The following LRRC7 variants were observed in gnomAD, a reference collection of about 807,000 sequenced individuals.
The protein encoded by LRRC7 is leucine rich repeat containing 7.
Under a neutral mutation model 175.7 loss-of-function variants are expected in LRRC7, and 23 were observed. The ratio of observed to expected loss-of-function variants is 0.13; its 90% CI spans 0.09 to 0.19. The LOEUF (loss-of-function observed/expected upper bound fraction) is 0.19. LRRC7 is among the 10% of genes least tolerant of loss of function. The pLI, the probability that LRRC7 is intolerant of heterozygous loss-of-function variation, is 1.00. For synonymous variants in LRRC7, 685 were observed against 680.9 expected, an observed-to-expected ratio of 1.01 and a Z score of -0.09; for missense variants, 1,354 against 1,904.7, an observed-to-expected ratio of 0.71 and a Z score of 5.38.
At chr1:69,903,299 T>A (rs1361572368) in intron 7 of LRRC7, among the ~76,000 whole-genome samples, 1 of 152,036 alleles carries the variant, frequency 6.6e-6, no homozygotes, top group Non-Finnish European at 1.5e-5. Flanking sequence ...CTGGGACTGG[T>A]TAGACAGTGG....
chr1:69,979,513 A>G (rs1653193583), intron 8 of LRRC7, among the ~76,000 whole-genome samples: 1 of 152,156 alleles, frequency 6.6e-6, no homozygotes, highest in Non-Finnish European at 1.5e-5. Context: ...TTTAAAACAT[A>G]TTCTAAAGTA....
chr1:69,733,033 A>G (rs1034781432), intron 2 of LRRC7, among the ~76,000 whole-genome samples: 1 of 152,044 alleles, frequency 6.6e-6, no homozygotes, highest in African/African-American at 2.4e-5. Flanking sequence ...AGAAAAGACA[A>G]TTTAAGAAAA....
intron 7 of LRRC7, among the ~76,000 whole-genome samples, chr1:69,915,729 T>G (rs1477027909): frequency 6.6e-6 from 1 of 152,050 alleles, no homozygotes; most frequent in African/African-American, 2.4e-5. Flanking sequence ...AAACACTTTC[T>G]TAGACGATCT....
At chr1:69,793,264 A>G (rs1489763314) in intron 4 of LRRC7, among the ~76,000 whole-genome samples, 2 of 152,140 alleles carry the variant, frequency 1.3e-5, no homozygotes, top group Non-Finnish European at 2.9e-5. Flanking sequence ...ATGCAATCCA[A>G]TCTTTGTAGT....
intron 23 of LRRC7, among the ~76,000 whole-genome samples, chr1:70,060,992 A>G (rs543811200): frequency 6.6e-6 from 1 of 152,298 alleles, no homozygotes; most frequent in Non-Finnish European, 1.5e-5. Flanking sequence ...AATGAGAACA[A>G]TCTTCTCCAT....
At chr1:69,694,834 A>G (rs568327984) in intron 2 of LRRC7, among the ~76,000 whole-genome samples, 124 of 152,062 alleles carry the variant, frequency 8.2e-4, no homozygotes, top group Non-Finnish European at 1.5e-3. Flanking sequence ...GGCCCTCACT[A>G]GAAGCAGATG....
chr1:70,072,133 A>G (rs563316574), intron 23 of LRRC7, among the ~76,000 whole-genome samples: 1 of 151,780 alleles, frequency 6.6e-6, no homozygotes, highest in Non-Finnish European at 1.5e-5. Flanking sequence ...CTCCATCACT[A>G]TTCTCCTCAA....
chr1:69,896,982 T>C (rs1051769993), intron 7 of LRRC7, among the ~76,000 whole-genome samples: 9 of 152,292 alleles, frequency 5.9e-5, no homozygotes, highest in African/African-American at 2.2e-4. Context: ...TTTTGTGATA[T>C]TGAGAGATTT....
chr1:69,829,212 G>A (rs1215659054), intron 5 of LRRC7, among the ~76,000 whole-genome samples: 1 of 151,824 alleles, frequency 6.6e-6, no homozygotes, highest in East Asian at 1.9e-4. Context: ...TTAAGTAATT[G>A]CAAAGGTCAC....
chr1:69,972,030 C>A (rs1006789010), intron 8 of LRRC7, among the ~76,000 whole-genome samples: 1 of 152,212 alleles, frequency 6.6e-6, no homozygotes, highest in East Asian at 1.9e-4. Flanking sequence ...AGAAAGGACA[C>A]CTTATTCAAC....
In LRRC7 at chr1:69,760,411, A is replaced by G. The variant is rs774658641; in HGVS notation, c.303+18A>G. On this transcript the variant is annotated intron_variant, in intron 3 of 26. Transcript: ENST00000651989. Reference sequence around the variant, plus strand: ...TACCCAAGGTAACTTTTGACAACCTAAAATATACAATGTAAATGAGTATTT... The same window carrying G: ...TACCCAAGGTAACTTTTGACAACCTGAAATATACAATGTAAATGAGTATTT... 85 of 1,583,694 alleles carry G rather than the reference A, an allele frequency of 5.4e-5. No homozygotes were observed. Among genetic ancestry groups the G allele is most frequent in the Non-Finnish European group, 7.1e-5 (82 of 1,153,290 alleles).
At chr1:69,795,082 A>G (rs1262961454) in intron 4 of LRRC7, among the ~76,000 whole-genome samples, 3 of 152,202 alleles carry the variant, frequency 2.0e-5, no homozygotes, top group African/African-American at 7.2e-5. Context: ...AGAAAGCCAT[A>G]CCTAAGAAAG....
chr1:69,593,243 A>C (rs1646708653), intron 1 of LRRC7, among the ~76,000 whole-genome samples: 1 of 152,138 alleles, frequency 6.6e-6, no homozygotes, highest in South Asian at 2.1e-4. Context: ...GAATTTAAGA[A>C]ATTAAAAAGT....
chr1:70,060,103 AG>A (rs1661460669), intron 23 of LRRC7, among the ~76,000 whole-genome samples: 1 of 152,110 alleles, frequency 6.6e-6, no homozygotes, highest in African/African-American at 2.4e-5. Flanking sequence ...GGATCACTTG[AG>A]GCCAGGAGTT....
chr1:69,945,117 C>G (rs1029083917), intron 8 of LRRC7, among the ~76,000 whole-genome samples: 1 of 152,016 alleles, frequency 6.6e-6, no homozygotes, highest in Admixed American at 6.6e-5. Context: ...GTATTTTCTT[C>G]TAGAAGTTTT....
intron 1 of LRRC7, among the ~76,000 whole-genome samples, chr1:69,650,773 T>C (rs932364250): frequency 6.6e-6 from 1 of 151,104 alleles, no homozygotes. Context: ...TCATTTCTTT[T>C]AAAATATACT....
In LRRC7 at chr1:70,043,944, C is replaced by G; in HGVS notation, c.3970-10C>G. 1 of 1,595,716 alleles carries G rather than the reference C, an allele frequency of 6.3e-7. No individual in the cohort carries two copies. The highest frequency in any genetic ancestry group is 8.6e-7 in the Non-Finnish European group (1 of 1,166,128). ...TCACACCCTGTCACATGATTATTTC[C>G]TCTACTCAGAATGCTGCTTACAAAC... On this transcript the variant is annotated splice_polypyrimidine_tract_variant and intron_variant, in intron 21 of 26. Coordinates refer to ENST00000651989, the MANE Select transcript of LRRC7 (RefSeq NM_001370785.2).
At chr1:69,638,777 GATT>G (rs916039757) in intron 1 of LRRC7, among the ~76,000 whole-genome samples, 73 of 151,716 alleles carry the variant, frequency 4.8e-4, no homozygotes, top group Admixed American at 1.4e-3. Context: ...TCCACTTCAA[GATT>G]ATTATTATAT....
intron 7 of LRRC7, among the ~76,000 whole-genome samples, chr1:69,895,298 A>C (rs1444207162): frequency 3.3e-5 from 5 of 152,190 alleles, no homozygotes; most frequent in Non-Finnish European, 7.4e-5. Flanking sequence ...ATAAATGAAC[A>C]CACACACAAA....
Sources: allele counts gnomAD v4.1 joint callset (sites outside exome capture counted in the v4.1 genomes callset), GRCh38; gene constraint gnomAD v4.1.1; transcripts MANE v1.5; gene names NCBI Gene and HGNC (gene_info 2026-07-23, HGNC 2026-07-21).